The following WASHC3 variants were observed in gnomAD, a reference collection of about 807,000 sequenced individuals.
WASHC3 encodes the protein WASH complex subunit 3.
WASHC3 carries 24 observed loss-of-function variants against 26.1 expected under a neutral mutation model. The observed-to-expected ratio is 0.92, with a 90% CI of 0.66 to 1.29. WASHC3 has a LOEUF of 1.29. WASHC3 is among the 50% of genes most tolerant of loss of function. The pLI is 0.00. For synonymous variants in WASHC3, 77 were observed against 75.7 expected (o/e 1.02, Z -0.09); for missense variants, 214 against 229.6 (o/e 0.93, Z 0.44).
chr12:102,035,165 T>A (rs1877603477), intron 5 of WASHC3, among the ~76,000 whole-genome samples: 1 of 152,158 alleles, frequency 6.6e-6, no homozygotes, highest in Non-Finnish European at 1.5e-5. Context: ...ATTATCCATC[T>A]ACAGGTACTA....
chr12:102,015,611 T>G (rs957151792), intron 6 of WASHC3, among the ~76,000 whole-genome samples: 1 of 152,254 alleles, frequency 6.6e-6, no homozygotes, highest in Non-Finnish European at 1.5e-5. Flanking sequence ...CTGCTGTTAT[T>G]ATGATGATTT....
chr12:102,047,434 T>C (rs929672484), intron 2 of WASHC3, among the ~76,000 whole-genome samples: 7 of 152,236 alleles, frequency 4.6e-5, no homozygotes, highest in African/African-American at 1.7e-4. Context: ...AATCTACAAA[T>C]AAAGTATTAG....
intron 5 of WASHC3, among the ~76,000 whole-genome samples, chr12:102,028,573 A>C (rs560312628): frequency 1.3e-5 from 2 of 152,108 alleles, no homozygotes; most frequent in Admixed American, 6.6e-5. Context: ...AAGCCAAGAA[A>C]AGAGAAGCAA....
chr12:102,055,565 C>T (rs1022740376), intron 2 of WASHC3, among the ~76,000 whole-genome samples: 4 of 152,212 alleles, frequency 2.6e-5, no homozygotes, highest in African/African-American at 4.8e-5. Context: ...AGGCTGGTCT[C>T]GAACTCTTAG....
intron 5 of WASHC3, among the ~76,000 whole-genome samples, chr12:102,028,718 A>C (rs1395553725): frequency 6.6e-6 from 1 of 151,650 alleles, no homozygotes; most frequent in Non-Finnish European, 1.5e-5. Context: ...TAAGCCCTCT[A>C]TTTGAACATC....
chr12:102,048,129 G>A (rs888622740), intron 2 of WASHC3, among the ~76,000 whole-genome samples: 2 of 152,112 alleles, frequency 1.3e-5, no homozygotes, highest in African/African-American at 4.8e-5. Flanking sequence ...TGTGCCAAGA[G>A]GAAAAGCCTT....
At position 102,039,926 on chromosome 12, in the gene WASHC3, T is replaced by TC. The variant is rs756444712; in HGVS notation, c.376_377insG (p.Asn126ArgfsTer42). 1 of 1,606,314 alleles carries TC rather than the reference T, an allele frequency of 6.2e-7. No homozygotes were observed. Among genetic ancestry groups the TC allele is most frequent in the African/African-American group, 1.3e-5 (1 of 74,872 alleles). On this transcript the variant is annotated frameshift_variant, in exon 5 of 7. Transcript: ENST00000240079. LOFTEE classifies it high-confidence loss of function. ...TGGATCCTTGGCTACAGTTAAGATA[T>TC]TTTCTGCTGATACTTCACTTTCCTG...
rs748588154 is a variant in WASHC3, at chr12:102,044,110, G to A, written c.319C>T (p.Pro107Ser). 2.5e-6 allele frequency: 4 copies of A among 1,577,570 alleles called. No individual in the cohort carries two copies. Among genetic ancestry groups the A allele is most frequent in the Non-Finnish European group, 2.6e-6 (3 of 1,152,142 alleles). ...GAHPEATSEQ[P>S]QQNSTQDSGL... The stretch of plus-strand genomic sequence containing the variant: ...GTTTCTTAGAACTCACTTACCTGTG[G>A]TTGCTCTGAAGTGGCTTCAGGATGT... Residue 107 changes from proline to serine, a missense_variant, in exon 4 of 7, where the codon CCA becomes TCA. Pro to Ser is a moderately conservative substitution (Grantham distance 74). Coordinates refer to ENST00000240079, the MANE Select transcript of WASHC3 (RefSeq NM_016053.4).
intron 2 of WASHC3, among the ~76,000 whole-genome samples, chr12:102,052,436 C>G (rs552369809): frequency 1.1e-4 from 16 of 152,302 alleles, no homozygotes; most frequent in Non-Finnish European, 2.1e-4. Context: ...TCACCCAGTC[C>G]TGAGTTCTAG....
At chr12:102,032,099 T>C (rs183238568) in intron 5 of WASHC3, among the ~76,000 whole-genome samples, 1 of 152,206 alleles carries the variant, frequency 6.6e-6, no homozygotes, top group South Asian at 2.1e-4. Context: ...CATACCTTCT[T>C]GATGGACATC....
intron 5 of WASHC3, among the ~76,000 whole-genome samples, chr12:102,028,935 C>A (rs2121361987): frequency 6.6e-6 from 1 of 152,168 alleles, no homozygotes; most frequent in Non-Finnish European, 1.5e-5. Flanking sequence ...GATACACATA[C>A]AATTTGGCAT....
chr12:102,018,819 T>A (rs1314050017), intron 6 of WASHC3, among the ~76,000 whole-genome samples: 2 of 151,362 alleles, frequency 1.3e-5, no homozygotes, highest in Non-Finnish European at 2.9e-5. Flanking sequence ...AAGTCTTATT[T>A]ATTTATTTAT....
At chr12:102,025,896 G>T (rs530817275) in intron 6 of WASHC3, 78 bp downstream of exon 6, 187 of 770,948 alleles carry the variant, frequency 2.4e-4, no homozygotes, top group Admixed American at 3.9e-4. Flanking sequence ...AAAATACAGA[G>T]AATTTGAAAT....
At chr12:102,055,953 T>A (rs954292853) in intron 2 of WASHC3, among the ~76,000 whole-genome samples, 5 of 152,212 alleles carry the variant, frequency 3.3e-5, no homozygotes, top group Non-Finnish European at 7.3e-5. Flanking sequence ...AAGTACTTAA[T>A]CTTCGTTCAC....
At chr12:102,025,633 C>A (rs1877146273) in intron 6 of WASHC3, among the ~76,000 whole-genome samples, 1 of 131,902 alleles carries the variant, frequency 7.6e-6, no homozygotes, top group Non-Finnish European at 1.6e-5. Flanking sequence ...AAAGCACAAA[C>A]CAACAAATAA....
At chr12:102,062,002 C>G, upstream of WASHC3, 1 of 1,556,770 alleles carries the variant, frequency 6.4e-7, no homozygotes, top group Non-Finnish European at 8.7e-7. Context: ...ACCCACAAAC[C>G]CCTCCCAGAT....
chr12:102,019,088 C>T (rs950053289), intron 6 of WASHC3, among the ~76,000 whole-genome samples: 8 of 152,120 alleles, frequency 5.3e-5, no homozygotes, highest in African/African-American at 1.7e-4. Flanking sequence ...CATGAGCCAC[C>T]GCGGCTGGCC....
chr12:102,022,847 C>A (rs892861750), intron 6 of WASHC3, among the ~76,000 whole-genome samples: 2 of 152,076 alleles, frequency 1.3e-5, no homozygotes, highest in African/African-American at 4.8e-5. Flanking sequence ...GCGCGATATA[C>A]CCATTCTATA....
intron 2 of WASHC3, among the ~76,000 whole-genome samples, chr12:102,049,262 C>T (rs1263948070): frequency 6.6e-6 from 1 of 152,210 alleles, no homozygotes; most frequent in African/African-American, 2.4e-5. Context: ...CTAGACATAG[C>T]CATATGTCCC....
Sources: allele counts gnomAD v4.1 joint callset (sites outside exome capture counted in the v4.1 genomes callset), GRCh38; gene constraint gnomAD v4.1.1; transcripts MANE v1.5; gene names NCBI Gene and HGNC (gene_info 2026-07-23, HGNC 2026-07-21).